MOB3B: variants seen among roughly 807,000 people sequenced by gnomAD.
The protein encoded by MOB3B is MOB kinase activator-like 2B.
MOB3B carries 7 observed loss-of-function variants against 18.7 expected under a neutral mutation model. The ratio of observed to expected loss-of-function variants is 0.37; its 90% CI spans 0.21 to 0.70. The LOEUF is 0.70. Among genes scored for constraint, MOB3B ranks in the 30% least tolerant of loss-of-function variants. The pLI is 0.52. For synonymous variants in MOB3B, 111 were observed against 99.9 expected (o/e 1.11, Z -0.66); for missense variants, 253 against 281.3 (o/e 0.90, Z 0.72).
intron 2 of MOB3B, among the ~76,000 whole-genome samples, chr9:27,436,202 T>G (rs1017139623): frequency 1.3e-5 from 2 of 152,240 alleles, no homozygotes; most frequent in African/African-American, 4.8e-5. Flanking sequence ...AATATTTGTA[T>G]GTGAGCTTGT....
intron 2 of MOB3B, among the ~76,000 whole-genome samples, chr9:27,382,962 G>C (rs552571336): frequency 6.6e-6 from 1 of 152,120 alleles, no homozygotes; most frequent in Non-Finnish European, 1.5e-5. Context: ...CAAGCAAGAA[G>C]GTATTTGGGG....
intron 3 of MOB3B, among the ~76,000 whole-genome samples, chr9:27,334,850 T>C (rs1199119327): frequency 2.7e-5 from 4 of 146,022 alleles, no homozygotes; most frequent in Non-Finnish European, 4.5e-5. Flanking sequence ...TGAGATGGAG[T>C]CTCGCTTTGT....
At chr9:27,501,002 C>A (rs1333023240) in intron 1 of MOB3B, among the ~76,000 whole-genome samples, 1 of 151,788 alleles carries the variant, frequency 6.6e-6, no homozygotes, top group Non-Finnish European at 1.5e-5. Flanking sequence ...GAAAAAAAAA[C>A]CTCATCATCA....
intron 1 of MOB3B, among the ~76,000 whole-genome samples, chr9:27,469,548 G>C (rs1819439428): frequency 6.6e-6 from 1 of 152,180 alleles, no homozygotes; most frequent in African/African-American, 2.4e-5. Flanking sequence ...TGGCTGACAG[G>C]ATTGTACAGC....
intron 2 of MOB3B, chr9:27,397,390 G>A (rs1477083131): frequency 6.6e-6 from 1 of 151,526 alleles, no homozygotes; most frequent in Non-Finnish European, 1.5e-5. Flanking sequence ...ACAGCATAGA[G>A]TTAATACATA....
rs1192393009 is a variant in MOB3B at position 27,359,376 on chromosome 9, T to TG, written c.419-141dup. The TG allele has an allele frequency of 1.8e-3, 474 of 259,308 alleles. 1 individual carries two copies. The highest frequency in any genetic ancestry group is 4.1e-3 in the Middle Eastern group (3 of 738). 16.1% of individuals were successfully genotyped at this position (259,308 alleles called of 1,614,324 possible). ...ACAGGAGTCATAGGGAGTGTGTGTG[T>TG]GTGGGGGGGGGGGGTTGGTAGCAAA... On this transcript the variant is annotated intron_variant, in intron 2 of 3. Coordinates refer to ENST00000262244, the MANE Select transcript of MOB3B (RefSeq NM_024761.5).
intron 2 of MOB3B, among the ~76,000 whole-genome samples, chr9:27,404,774 A>G (rs556493011): frequency 1.4e-3 from 206 of 152,274 alleles, no homozygotes; most frequent in Non-Finnish European, 2.6e-3. Context: ...TTTTGGATAT[A>G]TACTCAGCAA....
intron 1 of MOB3B, among the ~76,000 whole-genome samples, chr9:27,471,170 C>T (rs913095903): frequency 4.6e-5 from 7 of 152,126 alleles, no homozygotes; most frequent in African/African-American, 1.7e-4. Context: ...CTCTGCTGCT[C>T]TCCAGGATTT....
intron 1 of MOB3B, among the ~76,000 whole-genome samples, chr9:27,517,747 A>G (rs972608700): frequency 2.6e-5 from 4 of 151,874 alleles, no homozygotes; most frequent in Non-Finnish European, 5.9e-5. Flanking sequence ...ACTGAAATGC[A>G]TATCTGTTCA....
intron 2 of MOB3B, among the ~76,000 whole-genome samples, chr9:27,430,062 C>A (rs183728024): frequency 6.6e-6 from 1 of 152,306 alleles, no homozygotes; most frequent in East Asian, 1.9e-4. Flanking sequence ...AAGGGCTTCC[C>A]AGAGCTGTTG....
chr9:27,348,023 G>GT (rs2131345633), intron 3 of MOB3B, among the ~76,000 whole-genome samples: 1 of 152,292 alleles, frequency 6.6e-6, no homozygotes, highest in Non-Finnish European at 1.5e-5. Flanking sequence ...GAAAGACCAG[G>GT]TTTCTGGAGT....
intron 1 of MOB3B, among the ~76,000 whole-genome samples, chr9:27,510,154 A>C (rs567431241): frequency 1.3e-5 from 2 of 152,372 alleles, no homozygotes; most frequent in Non-Finnish European, 2.9e-5. Context: ...AAAATCAAGA[A>C]GCTTATGTGG....
chr9:27,525,202 C>A (rs1563890834), intron 1 of MOB3B, among the ~76,000 whole-genome samples: 1 of 152,090 alleles, frequency 6.6e-6, no homozygotes, highest in Non-Finnish European at 1.5e-5. Flanking sequence ...ATTCCCTCTC[C>A]GTCTTCTTCT....
At chr9:27,342,870 C>T (rs2131340634) in intron 3 of MOB3B, among the ~76,000 whole-genome samples, 1 of 151,486 alleles carries the variant, frequency 6.6e-6, no homozygotes, top group East Asian at 2.0e-4. Context: ...GAGATTGCAG[C>T]CTCTGCCCGG....
intron 2 of MOB3B, among the ~76,000 whole-genome samples, chr9:27,450,297 C>T (rs1389716689): frequency 6.6e-6 from 1 of 152,178 alleles, no homozygotes; most frequent in Admixed American, 6.5e-5. Flanking sequence ...GTTCTGCCTG[C>T]TTTGTTCTCT....
intron 2 of MOB3B, among the ~76,000 whole-genome samples, chr9:27,374,069 G>T (rs1437770343): frequency 6.6e-6 from 1 of 152,164 alleles, no homozygotes; most frequent in African/African-American, 2.4e-5. Flanking sequence ...CGTCACTTCC[G>T]TTTTCTGTAC....
chr9:27,485,230 A>G (rs1819716377), intron 1 of MOB3B, among the ~76,000 whole-genome samples: 1 of 152,208 alleles, frequency 6.6e-6, no homozygotes, highest in Non-Finnish European at 1.5e-5. Context: ...TATTATTCCT[A>G]TCTTAACAGA....
chr9:27,360,713 A>G (rs1821262925), intron 2 of MOB3B, among the ~76,000 whole-genome samples: 1 of 152,142 alleles, frequency 6.6e-6, no homozygotes, highest in African/African-American at 2.4e-5. Flanking sequence ...ATCACCTGGG[A>G]CCCCAGGGCA....
intron 2 of MOB3B, among the ~76,000 whole-genome samples, chr9:27,431,373 C>T (rs1454551359): frequency 1.3e-5 from 2 of 151,714 alleles, no homozygotes; most frequent in African/African-American, 2.4e-5. Context: ...AGGAGAGCCA[C>T]GAAAAAAATG....
Sources: gnomAD v4.1 joint callset for allele counts (sites outside exome capture counted in the v4.1 genomes callset) on GRCh38, gnomAD v4.1.1 for gene constraint, MANE v1.5 for transcripts, NCBI Gene and HGNC (gene_info 2026-07-23, HGNC 2026-07-21) for gene names.